The following IGF2BP2 variants were observed in gnomAD, a reference collection of about 807,000 sequenced individuals.
IGF2BP2 encodes the protein insulin-like growth factor 2 mRNA-binding protein 2.
In IGF2BP2, 17 loss-of-function variants were observed where a neutral mutation model predicts 75.8. The observed-to-expected ratio is 0.22, with a 90% CI of 0.15 to 0.34. The LOEUF (loss-of-function observed/expected upper bound fraction) is 0.34. Among genes scored for constraint, IGF2BP2 ranks in the 10% least tolerant of loss-of-function variants. The pLI is 1.00. For missense variants in IGF2BP2, 516 were observed against 772.4 expected (o/e 0.67, Z 3.93); for synonymous variants, 288 against 295.6 (o/e 0.97, Z 0.26).
intron 2 of IGF2BP2, among the ~76,000 whole-genome samples, chr3:185,713,074 ATGTGTGTG>A (rs201252245): frequency 2.5e-4 from 36 of 144,584 alleles, no homozygotes; most frequent in Non-Finnish European, 4.1e-4. Context: ...ACAGATATGT[ATGTGTGTG>A]TGTGTGTGTG....
intron 2 of IGF2BP2, among the ~76,000 whole-genome samples, chr3:185,745,124 T>G (rs1469089360): frequency 6.6e-6 from 1 of 152,204 alleles, no homozygotes; most frequent in African/African-American, 2.4e-5. Flanking sequence ...CACGCTGCTT[T>G]GCACTTCCTC....
chr3:185,663,758 ATTTTC>A (rs1349221023), intron 10 of IGF2BP2, among the ~76,000 whole-genome samples: 1 of 151,818 alleles, frequency 6.6e-6, no homozygotes, highest in Non-Finnish European at 1.5e-5. Context: ...TTTATTACTT[ATTTTC>A]TTCTACTAAT....
Position 185,652,146 on chromosome 3 carries a change from T to G in IGF2BP2, c.1409A>C (p.Asp470Ala). ...SIKIAPAEGP[D>A]VSERMVIITG... The stretch of plus-strand genomic sequence containing the variant: ...GATGATGACCATCCTTTCGCTGACG[T>G]CTGGGCCTTCCGCAGGGGCAATCTG... Residue 470 changes from aspartate to alanine, a missense_variant, in exon 13 of 16, where the codon GAC (aspartate) becomes GCC (alanine). Around this residue, in one of 3 missense-constraint regions of IGF2BP2, gnomAD observed 129 missense variants for 230.5 expected, o/e 0.56. Transcript: ENST00000382199. 1 of 1,612,706 alleles carries G rather than the reference T, an allele frequency of 6.2e-7. No individual in the cohort carries two copies. Among genetic ancestry groups the G allele is most frequent in the Middle Eastern group, 1.7e-4 (1 of 6,054 alleles).
At chr3:185,690,111 G>C (rs2121841) in intron 5 of IGF2BP2, among the ~76,000 whole-genome samples, 2 of 152,160 alleles carry the variant, frequency 1.3e-5, no homozygotes, top group African/African-American at 2.4e-5. Flanking sequence ...CAGGGCTTAC[G>C]GTTAACAGTT....
At chr3:185,773,258 A>G (rs997554959) in intron 2 of IGF2BP2, among the ~76,000 whole-genome samples, 2 of 152,254 alleles carry the variant, frequency 1.3e-5, no homozygotes, top group African/African-American at 2.4e-5. Flanking sequence ...GTTGATTAGT[A>G]AAACAGATAA....
At chr3:185,717,161 GA>G (rs1725763616) in intron 2 of IGF2BP2, 1 of 188,400 alleles carries the variant, frequency 5.3e-6, no homozygotes, top group African/African-American at 2.3e-5. Flanking sequence ...CTCTGAGAGA[GA>G]CTGGTTTCCT....
At chr3:185,746,299 C>T (rs1009858748) in intron 2 of IGF2BP2, among the ~76,000 whole-genome samples, 2 of 152,130 alleles carry the variant, frequency 1.3e-5, no homozygotes, top group African/African-American at 2.4e-5. Flanking sequence ...CCCAGCGCCA[C>T]TAAAGCCAAG....
rs1713387580 is a variant in IGF2BP2, at chr3:185,645,667, A to G, written c.1708-44T>C. ...GGGAGAGGAAGGGACAGGGGAAAAA[A>G]GGAACCCAGTTCTGAGGACAAACGG... On this transcript the variant is annotated intron_variant, in intron 15 of 15. Coordinates refer to ENST00000382199, the MANE Select transcript of IGF2BP2 (RefSeq NM_006548.6). This position sits in a 1 kb window ranked among gnomAD's most constrained non-coding sequence, Gnocchi z 4.9. 2 of 1,487,160 alleles carry G rather than the reference A, an allele frequency of 1.3e-6. No individual in the cohort carries two copies. The highest frequency in any genetic ancestry group is 1.9e-6 in the Non-Finnish European group (2 of 1,064,860). 92.1% of individuals were successfully genotyped at this position (1,487,160 alleles called of 1,614,324 possible).
At chr3:185,736,531 C>T (rs1728869505) in intron 2 of IGF2BP2, among the ~76,000 whole-genome samples, 1 of 152,342 alleles carries the variant, frequency 6.6e-6, no homozygotes, top group African/African-American at 2.4e-5. Context: ...CCATCATTCC[C>T]TACCCATGCG....
Position 185,696,660 on chromosome 3 carries a change from A to T in IGF2BP2, c.292T>A (p.Leu98Met). The change falls in exon 4 of 16, where the codon TTG becomes ATG. Residue 98 changes from leucine (L) to methionine (M), a missense_variant. Coordinates refer to ENST00000382199, the MANE Select transcript of IGF2BP2 (RefSeq NM_006548.6). The stretch of plus-strand genomic sequence containing the variant: ...CCATATTGAGCCAAAAGTCCATCCA[A>T]CACCTAAAAGAGAAAGCTTCCATGT... Reference protein sequence around the residue: ...NIPPHLQWEVLDGLLAQYGTV... With the variant: ...NIPPHLQWEVMDGLLAQYGTV... 1 of 1,613,742 alleles carries T rather than the reference A, an allele frequency of 6.2e-7. No homozygotes were observed. Among genetic ancestry groups the T allele is most frequent in the East Asian group, 2.2e-5 (1 of 44,842 alleles).
At chr3:185,807,087 T>C (rs1294784053) in intron 2 of IGF2BP2, among the ~76,000 whole-genome samples, 1 of 152,156 alleles carries the variant, frequency 6.6e-6, no homozygotes, top group Non-Finnish European at 1.5e-5. Context: ...AAAGGACTTT[T>C]GCTGCTGGCA....
chr3:185,787,455 G>A (rs558204926), intron 2 of IGF2BP2, among the ~76,000 whole-genome samples: 20 of 152,312 alleles, frequency 1.3e-4, no homozygotes, highest in African/African-American at 4.3e-4. Context: ...CTGACAGGCC[G>A]GGCGCGGCGG....
intron 7 of IGF2BP2, among the ~76,000 whole-genome samples, chr3:185,677,072 G>T (rs201685316): frequency 0.33 from 11,735 of 35,232 alleles, 1,418 homozygotes; most frequent in East Asian, 0.44. Context: ...TATATATAGA[G>T]AGAGAGAGAG....
chr3:185,688,558 GT>G (rs1160238668), intron 6 of IGF2BP2, among the ~76,000 whole-genome samples: 1 of 152,126 alleles, frequency 6.6e-6, no homozygotes, highest in African/African-American at 2.4e-5. Context: ...AGCCAGGCTG[GT>G]CTCGAACTCC....
chr3:185,668,752 G>T (rs948812025), intron 10 of IGF2BP2, among the ~76,000 whole-genome samples: 1 of 151,782 alleles, frequency 6.6e-6, no homozygotes, highest in Non-Finnish European at 1.5e-5. Flanking sequence ...AATTAGCTAT[G>T]ACAAATCATT....
At chr3:185,701,986 C>G (rs533692323) in intron 2 of IGF2BP2, among the ~76,000 whole-genome samples, 1 of 152,132 alleles carries the variant, frequency 6.6e-6, no homozygotes, top group Non-Finnish European at 1.5e-5. Flanking sequence ...GGGACTCTGG[C>G]ATGTCCTTCA....
At chr3:185,745,665 T>C (rs946767569) in intron 2 of IGF2BP2, among the ~76,000 whole-genome samples, 1 of 152,144 alleles carries the variant, frequency 6.6e-6, no homozygotes, top group Non-Finnish European at 1.5e-5. Context: ...CCACTTCTAT[T>C]CACTGAAGCA....
At chr3:185,777,719 G>C (rs1734698094) in intron 2 of IGF2BP2, among the ~76,000 whole-genome samples, 1 of 152,046 alleles carries the variant, frequency 6.6e-6, no homozygotes, top group South Asian at 2.1e-4. Context: ...AAATTGTAAG[G>C]AGCATCTCCT....
chr3:185,765,790 A>G (rs1338607646), intron 2 of IGF2BP2, among the ~76,000 whole-genome samples: 1 of 152,212 alleles, frequency 6.6e-6, no homozygotes, highest in African/African-American at 2.4e-5. Context: ...ACTTGGGTGC[A>G]AGGAAGACAC....
Sources: allele counts gnomAD v4.1 joint callset (sites outside exome capture counted in the v4.1 genomes callset), GRCh38; gene constraint gnomAD v4.1.1; regional missense constraint gnomAD v4.1.1; non-coding constraint Gnocchi (gnomAD v3.1); transcripts MANE v1.5; gene names NCBI Gene and HGNC (gene_info 2026-07-23, HGNC 2026-07-21).